UNC13D: variants seen among roughly 807,000 people sequenced by gnomAD.
UNC13D encodes the protein protein unc-13 homolog D.
Under a neutral mutation model 151.7 loss-of-function variants are expected in UNC13D, and 115 were observed. That is an observed-to-expected ratio of 0.76 (90% CI 0.65 to 0.88). The LOEUF (loss-of-function observed/expected upper bound fraction) is 0.88, where lower values mean the gene tolerates loss of function less well. UNC13D is among the 40% of genes least tolerant of loss of function. The pLI is 0.00. For missense variants in UNC13D, 1,369 were observed against 1,438.7 expected (o/e 0.95, Z 0.78); for synonymous variants, 588 against 612.2 (o/e 0.96, Z 0.58).
rs763990583 is a variant in UNC13D, at chr17:75,843,261, G to C, written c.159C>G (p.Ala53=). The change falls in exon 3 of 32, where the codon GCC becomes GCG. Residue 53 remains alanine, a synonymous_variant. Transcript: ENST00000207549. ...PSHHFSPEQR[A]LLYEDALYTV... is the part of the protein sequence containing the mutation. The stretch of plus-strand genomic sequence containing the variant: ...TGTAGAGTGCGTCCTCGTAGAGCAG[G>C]GCCCGCTAAGACACACGGGGTCACC... 1 of 1,606,766 alleles carries C rather than the reference G, an allele frequency of 6.2e-7. No homozygotes were observed. The highest frequency in any genetic ancestry group is 1.1e-5 in the South Asian group (1 of 91,068).
chr17:75,828,208 A>G (rs2062137448), intron 31 of UNC13D, 122 bp from the exon 32 acceptor site: 6 of 1,426,780 alleles, frequency 4.2e-6, no homozygotes, highest in Admixed American at 2.1e-5. Flanking sequence ...CTGGAAGGAA[A>G]CAAGTGACAG....
intron 16 of UNC13D, 33 bp from the exon 17 acceptor site, chr17:75,836,142 C>T (rs1428185286): frequency 6.2e-7 from 1 of 1,612,508 alleles, no homozygotes; most frequent in South Asian, 1.1e-5. Flanking sequence ...GGCAGGGCTG[C>T]CAGAGGCAGG....
chr17:75,843,737 G>A (rs917963712), intron 1 of UNC13D: 13 of 1,429,180 alleles, frequency 9.1e-6, no homozygotes, highest in South Asian at 2.9e-5. Context: ...GCCCAGCAGC[G>A]CGAGCCCTCC....
In UNC13D at chr17:75,830,452, C is replaced by T. The variant is rs2064863116; in HGVS notation, c.2740G>A (p.Val914Met). ...AETTSEELGA[V>M]TVKASYRASE... is the part of the protein sequence containing the mutation. ...GCGCGGTAGGAGGCCTTGACTGTCA[C>T]AGCCCCCAGCTCCTCAGAGGTGGTT... is the stretch of plus-strand genomic sequence containing the variant. Residue 914 changes from valine to methionine, a missense_variant, in exon 29 of 32, where the codon GTG (valine) becomes ATG (methionine). This residue lies in a region of UNC13D where 807 missense variants were observed against 795.5 expected (regional missense o/e 1.01). Transcript: ENST00000207549. 1 of 1,587,980 alleles carries T rather than the reference C, an allele frequency of 6.3e-7. No individual in the cohort carries two copies. The highest frequency in any genetic ancestry group is 8.6e-7 in the Non-Finnish European group (1 of 1,167,964).
intron 12 of UNC13D, among the ~76,000 whole-genome samples, chr17:75,838,569 C>T (rs2064925097): frequency 6.6e-6 from 1 of 152,146 alleles, no homozygotes; most frequent in Non-Finnish European, 1.5e-5. Context: ...GGCTGTGACC[C>T]CCTGTGCCCT....
chr17:75,836,236 G>A lies in UNC13D; in HGVS notation c.1410C>T (p.Phe470=), dbSNP rs1296307278. 6.2e-7 allele frequency: 1 copy of A among 1,612,670 alleles called. No homozygotes were observed. Among genetic ancestry groups the A allele is most frequent in the East Asian group, 2.2e-5 (1 of 44,848 alleles). The change falls in exon 16 of 32, where the codon TTC becomes TTT. Residue 470 remains phenylalanine (F), a synonymous_variant. Coordinates refer to ENST00000207549, the MANE Select transcript of UNC13D (RefSeq NM_199242.3). ...EALQTGTTEW[F]HLKQQHHQPM... ...GTTGATGGTGCTGCTGCTTCAGGTGGAACCATTCAGTGGTGCCAGTCTGTC... is the reference window on the plus strand; with the variant it reads ...GTTGATGGTGCTGCTGCTTCAGGTGAAACCATTCAGTGGTGCCAGTCTGTC...
At chr17:75,830,331 T>C (rs1163171858) in intron 29 of UNC13D, 31 bp downstream of exon 29, 4 of 1,588,120 alleles carry the variant, frequency 2.5e-6, no homozygotes, top group East Asian at 2.3e-5. Context: ...GACGGGACCA[T>C]GGAGAGTGGC....
intron 6 of UNC13D, among the ~76,000 whole-genome samples, chr17:75,841,938 G>A (rs9894291): frequency 0.45 from 68,757 of 151,258 alleles, 19,075 homozygotes; most frequent in African/African-American, 0.79. Flanking sequence ...TAGTAGAGAC[G>A]GGGTTTCACC....
chr17:75,834,452 AG>A lies in UNC13D; in HGVS notation c.2170del (p.Leu724TrpfsTer5). On this transcript the variant is annotated frameshift_variant, in exon 23 of 32. Transcript: ENST00000207549. LOFTEE classifies it high-confidence loss of function. ...CAGCACGGCCCCTACCCGCTGCTCC[AG>A]GGCCTCCCATGCCAGCTGGGCGGGC... ...KLPAQLAWEALEQRVGAVLEQ... is the reference protein window; with the variant it reads ...KLPAQLAWEAXEQRVGAVLEQ... The A allele has an allele frequency of 6.4e-7, 1 of 1,564,718 alleles. No individual in the cohort carries two copies.
At chr17:75,829,772 TAG>T (rs1293875658) in intron 30 of UNC13D, 7 of 448,740 alleles carry the variant, frequency 1.6e-5, no homozygotes, top group Non-Finnish European at 2.9e-5. Context: ...GTATTTTTAG[TAG>T]AGACTGTTGG....
intron 2 of UNC13D, 60 bp from the exon 3 acceptor site, chr17:75,843,326 C>T (rs530007713): frequency 3.8e-5 from 61 of 1,594,688 alleles, no homozygotes; most frequent in South Asian, 1.9e-4. Context: ...CAACACCTCT[C>T]GCCATGGGCA....
At position 75,843,805 on chromosome 17, in the gene UNC13D, C is replaced by T. The variant is rs573010963; in HGVS notation, c.118-286G>A. The T allele has an allele frequency of 1.0e-4, 145 of 1,387,326 alleles. No individual in the cohort carries two copies. In the African/African-American group the frequency reaches 1.8e-3, roughly 17 times the overall value. 85.9% of individuals were successfully genotyped at this position (1,387,326 alleles called of 1,614,324 possible). A position where few individuals can be genotyped will look rare whatever the true frequency, so the allele number is the denominator to read the frequency against. On this transcript the variant is annotated intron_variant, in intron 1 of 31. Transcript: ENST00000207549. Reference sequence around the variant, plus strand: ...AGGAAACAGCTCTGCTTATCAGTGGCGGCTGCTCCTCACCCAGCAGCGGAA... The same window carrying T: ...AGGAAACAGCTCTGCTTATCAGTGGTGGCTGCTCCTCACCCAGCAGCGGAA...
intron 6 of UNC13D, 196 bp from the exon 7 acceptor site, chr17:75,841,197 G>C (rs59885580): frequency 1.7e-6 from 1 of 582,826 alleles, no homozygotes. Flanking sequence ...GGCTGGAGGA[G>C]TGCAGTGGCA....
At position 75,840,604 on chromosome 17, in the gene UNC13D, G is replaced by T. The variant is rs1567821341; in HGVS notation, c.684-28C>A. The T allele has an allele frequency of 6.2e-7, 1 of 1,613,814 alleles. No individual in the cohort carries two copies. The highest frequency in any genetic ancestry group is 1.1e-5 in the South Asian group (1 of 91,088). On this transcript the variant is annotated intron_variant, in intron 8 of 31. Coordinates refer to ENST00000207549, the MANE Select transcript of UNC13D (RefSeq NM_199242.3). This position sits in a 1 kb window ranked among gnomAD's most constrained non-coding sequence, Gnocchi z 4.6. ...GCGTCAGGCAGGGTCCCATAAGGGG[G>T]ACGCAGCAAGGGTCGGAAGGGATTA...
rs1480654200 is a variant in UNC13D at position 75,831,096 on chromosome 17, A to G, written c.2625+2T>C. 3 of 1,613,730 alleles carry G rather than the reference A, an allele frequency of 1.9e-6. No homozygotes were observed. Among genetic ancestry groups the G allele is most frequent in the Non-Finnish European group, 1.7e-6 (2 of 1,180,022 alleles). On this transcript the variant is annotated splice_donor_variant, in intron 27 of 31. Transcript: ENST00000207549. LOFTEE classifies it high-confidence loss of function. ...ACGGGGAAGCTCACCCAAAGCCCCTACCTGGAAGGTGGCAGTGTGCAGGGC... is the reference window on the plus strand; with the variant it reads ...ACGGGGAAGCTCACCCAAAGCCCCTGCCTGGAAGGTGGCAGTGTGCAGGGC...
Position 75,827,791 on chromosome 17 carries a change from C to G in UNC13D, c.*174G>C. 6.8e-7 allele frequency: 1 copy of G among 1,480,910 alleles called. No individual in the cohort carries two copies. Among genetic ancestry groups the G allele is most frequent in the Non-Finnish European group, 9.0e-7 (1 of 1,114,886 alleles). The allele number at this position is 1,480,910 out of a possible 1,614,324, so 91.7% of individuals were successfully genotyped here. ...GGGAGTAGAGATGTCGCTGCTGAGCCCCCATCACCATGGGAGGCAGGGGAG... is the reference window on the plus strand; with the variant it reads ...GGGAGTAGAGATGTCGCTGCTGAGCGCCCATCACCATGGGAGGCAGGGGAG... On this transcript the variant is annotated 3_prime_UTR_variant, in exon 32 of 32. Transcript: ENST00000207549.
At chr17:75,842,262 C>G (rs1044705935) in intron 6 of UNC13D, among the ~76,000 whole-genome samples, 171 bp downstream of exon 6, 2 of 152,218 alleles carry the variant, frequency 1.3e-5, no homozygotes, top group African/African-American at 4.8e-5. Context: ...TCTGTCCCAT[C>G]TGACCTACTG....
At position 75,842,419 on chromosome 17, in the gene UNC13D, G is replaced by T; in HGVS notation, c.569+14C>A. ...AGACCTGGATAGAGTGGGGGCTGGA[G>T]CACGGCCACGTACAGGATGAAGGTC... On this transcript the variant is annotated intron_variant, in intron 6 of 31. Coordinates refer to ENST00000207549, the MANE Select transcript of UNC13D (RefSeq NM_199242.3). 6.2e-7 allele frequency: 1 copy of T among 1,605,690 alleles called. No individual in the cohort carries two copies. Among genetic ancestry groups the T allele is most frequent in the Non-Finnish European group, 8.5e-7 (1 of 1,174,188 alleles).
Position 75,840,737 on chromosome 17 carries a change from T to TC in UNC13D, c.683+24dup, listed in dbSNP as rs766035144. 29 of 1,613,494 alleles carry TC rather than the reference T, an allele frequency of 1.8e-5. No individual in the cohort carries two copies. Among genetic ancestry groups the TC allele is most frequent in the Non-Finnish European group, 2.4e-5 (28 of 1,179,956 alleles). On this transcript the variant is annotated intron_variant, in intron 8 of 31. Coordinates refer to ENST00000207549, the MANE Select transcript of UNC13D (RefSeq NM_199242.3). This position sits in a 1 kb window ranked among gnomAD's most constrained non-coding sequence, Gnocchi z 4.6. The stretch of plus-strand genomic sequence containing the variant: ...GAGGGCAAAAGGAGCCCCAACCCCT[T>TC]CCCTGTGAGCCCTGCAACACGAACC...
Sources: gnomAD v4.1 joint callset for allele counts (sites outside exome capture counted in the v4.1 genomes callset) on GRCh38, gnomAD v4.1.1 for gene constraint, gnomAD v4.1.1 regional missense constraint, Gnocchi (gnomAD v3.1) non-coding constraint, MANE v1.5 for transcripts, NCBI Gene and HGNC (gene_info 2026-07-23, HGNC 2026-07-21) for gene names.